The following GPM6A variants were observed in gnomAD, a reference collection of about 807,000 sequenced individuals.
GPM6A encodes glycoprotein M6A.
A neutral mutation model predicts 32.1 loss-of-function variants in GPM6A; 7 were observed. The ratio of observed to expected loss-of-function variants is 0.22; its 90% CI spans 0.12 to 0.41. The LOEUF (loss-of-function observed/expected upper bound fraction) is 0.41. Among genes scored for constraint, GPM6A ranks in the 10% least tolerant of loss-of-function variants. The pLI, the probability that GPM6A is intolerant of heterozygous loss-of-function variation, is 1.00. For synonymous variants in GPM6A, 130 were observed against 123.4 expected (o/e 1.05, Z -0.35); for missense variants, 235 against 347.2 (o/e 0.68, Z 2.57).
At chr4:175,771,651 T>C (rs1161518946) in intron 1 of GPM6A, among the ~76,000 whole-genome samples, 1 of 150,544 alleles carries the variant, frequency 6.6e-6, no homozygotes, top group African/African-American at 2.4e-5. Context: ...AAGATCCAAA[T>C]AAAATTCAGA....
At chr4:175,912,482 C>T (rs1398580793) in intron 1 of GPM6A, among the ~76,000 whole-genome samples, 3 of 152,090 alleles carry the variant, frequency 2.0e-5, no homozygotes, top group Non-Finnish European at 2.9e-5. Context: ...TGGTGAAACA[C>T]TGTCTCTACT....
Position 175,779,653 on chromosome 4 carries a change from G to A in GPM6A, c.37+32538C>T, listed in dbSNP as rs148020597. 5.1e-3 allele frequency among the ~76,000 whole-genome samples: 772 copies of A among 152,196 alleles called. 7 individuals carry two copies. The highest frequency in any genetic ancestry group is 0.017 in the African/African-American group (697 of 41,538). ...CCCTAGAGGCAAACACTGAAGGTCA[G>A]TTAACAAATTAAAAATAATAATAAC... is the stretch of plus-strand genomic sequence containing the variant. On this transcript the variant is annotated intron_variant, in intron 1 of 6. Coordinates refer to ENST00000393658, the MANE Select transcript of GPM6A (RefSeq NM_201591.3).
At chr4:175,686,776 T>A (rs1049795906) in intron 2 of GPM6A, among the ~76,000 whole-genome samples, 1 of 152,258 alleles carries the variant, frequency 6.6e-6, no homozygotes, top group African/African-American at 2.4e-5. Flanking sequence ...AGTTGACTAA[T>A]TAATTATTAC....
rs145431212 is a variant in GPM6A at position 175,674,651 on chromosome 4, G to A, written c.231-815C>T. ...AATGATACAAATTCCATATTTTTAC[G>A]TTACAGATAGTCAATTATAGTTGTA... On this transcript the variant is annotated intron_variant, in intron 2 of 6. Coordinates refer to ENST00000393658, the MANE Select transcript of GPM6A (RefSeq NM_201591.3). Among the ~76,000 whole-genome samples, 42 of 152,188 alleles carry A rather than the reference G, an allele frequency of 2.8e-4. No individual in the cohort carries two copies. The South Asian group carries it at 4.4e-3, about 16-fold the overall frequency.
intron 1 of GPM6A, among the ~76,000 whole-genome samples, chr4:175,724,810 C>T (rs73871206): frequency 0.21 from 32,563 of 151,868 alleles, 3,715 homozygotes; most frequent in Non-Finnish European, 0.25. Context: ...GACAGAATCC[C>T]TACAACAGAT....
At chr4:175,842,475 G>C (rs1325330405) in intron 1 of GPM6A, among the ~76,000 whole-genome samples, 1 of 152,076 alleles carries the variant, frequency 6.6e-6, no homozygotes, top group Non-Finnish European at 1.5e-5. Context: ...GTTCACACTT[G>C]TGATCCCAAC....
chr4:175,937,679 A>C (rs895160577), intron 1 of GPM6A, among the ~76,000 whole-genome samples: 3 of 152,164 alleles, frequency 2.0e-5, no homozygotes, highest in African/African-American at 4.8e-5. Flanking sequence ...TGTTGTAAGG[A>C]TATGAAGGAG....
chr4:175,636,937 C>CGCAT (rs1553967576), intron 6 of GPM6A, among the ~76,000 whole-genome samples: 2 of 124,236 alleles, frequency 1.6e-5, no homozygotes, highest in African/African-American at 6.1e-5. Flanking sequence ...TTCACTCATG[C>CGCAT]ATATATATAT....
At chr4:175,826,832 A>AG (rs1232249767) in intron 1 of GPM6A, among the ~76,000 whole-genome samples, 1 of 152,178 alleles carries the variant, frequency 6.6e-6, no homozygotes, top group Non-Finnish European at 1.5e-5. Flanking sequence ...GAAAAAAAAA[A>AG]GAGTCCTAAT....
intron 1 of GPM6A, among the ~76,000 whole-genome samples, chr4:175,854,731 A>G (rs1456638642): frequency 6.6e-6 from 1 of 152,238 alleles, no homozygotes; most frequent in Non-Finnish European, 1.5e-5. Context: ...AGCAGCAGTT[A>G]AAAGAACAGA....
intron 1 of GPM6A, among the ~76,000 whole-genome samples, chr4:175,895,905 T>C (rs895576038): frequency 6.6e-6 from 1 of 152,182 alleles, no homozygotes; most frequent in Admixed American, 6.5e-5. Flanking sequence ...TTGATCTACT[T>C]TGTTTTTTAT....
At chr4:175,645,331 T>C (rs973231465) in intron 4 of GPM6A, among the ~76,000 whole-genome samples, 3 of 152,226 alleles carry the variant, frequency 2.0e-5, no homozygotes, top group African/African-American at 7.2e-5. Context: ...GTAATGTGTG[T>C]ACACGGTTCC....
At chr4:175,653,217 G>T (rs182575189) in intron 3 of GPM6A, among the ~76,000 whole-genome samples, 1 of 152,060 alleles carries the variant, frequency 6.6e-6, no homozygotes, top group Admixed American at 6.6e-5. Context: ...GTTATATTGC[G>T]ATTAACATAG....
chr4:175,654,330 T>C (rs1390469511), intron 3 of GPM6A: 3 of 152,184 alleles, frequency 2.0e-5, no homozygotes, highest in African/African-American at 7.2e-5. Context: ...GTCTGCTCTT[T>C]ATACTTCCGT....
rs1163977895 is a variant in GPM6A, at chr4:175,921,901, CCTT to C, written c.-23+80405_-23+80407del. ...CAGGAAGTCTATATAGGATGGCTGT[CCTT>C]CTTCAGTACTTCATTTCTCTTGGGC... On this transcript the variant is annotated intron_variant, in intron 1 of 7. Transcript: ENST00000280187. 7.9e-5 allele frequency among the ~76,000 whole-genome samples: 12 copies of C among 152,234 alleles called. No individual in the cohort carries two copies. The East Asian group carries it at 2.1e-3, about 27-fold the overall frequency.
At chr4:175,874,850 C>T (rs1444575231) in intron 1 of GPM6A, among the ~76,000 whole-genome samples, 2 of 151,908 alleles carry the variant, frequency 1.3e-5, no homozygotes, top group Non-Finnish European at 2.9e-5. Flanking sequence ...AAGCCAAGGC[C>T]GTGGCCATCT....
At chr4:175,735,821 A>C (rs768580985) in intron 1 of GPM6A, among the ~76,000 whole-genome samples, 1 of 152,082 alleles carries the variant, frequency 6.6e-6, no homozygotes, top group Non-Finnish European at 1.5e-5. Context: ...TGGCCTCCCA[A>C]AGTGCTGGGA....
chr4:175,644,732 T>C (rs1181639644), intron 4 of GPM6A, among the ~76,000 whole-genome samples: 2 of 152,144 alleles, frequency 1.3e-5, no homozygotes, highest in Non-Finnish European at 2.9e-5. Flanking sequence ...ATATATTTAT[T>C]ACCTATGGAA....
At chr4:175,645,374 T>C (rs141507622) in intron 4 of GPM6A, among the ~76,000 whole-genome samples, 1,813 of 152,202 alleles carry the variant, frequency 0.012, 24 homozygotes, top group South Asian at 0.032. Context: ...ATAAAAACCT[T>C]TGGTGCTTAC....
Sources: gnomAD v4.1 joint callset for allele counts (sites outside exome capture counted in the v4.1 genomes callset) on GRCh38, gnomAD v4.1.1 for gene constraint, MANE v1.5 for transcripts, NCBI Gene and HGNC (gene_info 2026-07-23, HGNC 2026-07-21) for gene names.